The following DACH2 variants were observed in gnomAD, a reference collection of about 807,000 sequenced individuals.
DACH2 encodes dachshund homolog 2.
DACH2 carries 17 observed loss-of-function variants against 35.8 expected under a neutral mutation model. The ratio of observed to expected loss-of-function variants is 0.48; its 90% CI spans 0.33 to 0.71. The LOEUF is 0.71. Ranked by LOEUF, DACH2 falls within the 30% of genes least tolerant of loss-of-function variation. DACH2 has a pLI of 0.02. For synonymous variants in DACH2, 195 were observed against 177.3 expected, an observed-to-expected ratio of 1.10 and a Z score of -0.79; for missense variants, 469 against 472.7, an observed-to-expected ratio of 0.99 and a Z score of 0.07.
At position 86,672,470 on chromosome X, in the gene DACH2, C is replaced by T. The variant is rs1186091852; in HGVS notation, c.772+21303C>T. ...ATGATATTGTAGGCTGGACCCAGGA[C>T]CCCAATGCCCTGATCAACCTCAGGA... is the stretch of plus-strand genomic sequence containing the variant. On this transcript the variant is annotated intron_variant, in intron 4 of 11. Coordinates refer to ENST00000373125, the MANE Select transcript of DACH2 (RefSeq NM_053281.3). 5.4e-5 allele frequency among the ~76,000 whole-genome samples: 6 copies of T among 111,334 alleles called. No individual in the cohort carries two copies. In the East Asian group the frequency reaches 1.7e-3, roughly 32 times the overall value.
intron 1 of DACH2, among the ~76,000 whole-genome samples, chrX:86,229,640 T>C (rs2147931531): frequency 9.0e-6 from 1 of 111,583 alleles, no homozygotes; most frequent in South Asian, 3.8e-4. Context: ...CTATGATTTC[T>C]GGTAGCAGTG....
chrX:86,458,957 G>A (rs375451162), intron 2 of DACH2, among the ~76,000 whole-genome samples: 113 of 110,617 alleles, frequency 1.0e-3, no homozygotes, highest in African/African-American at 3.6e-3. Context: ...ACCAGGGCAC[G>A]TGTATACCCA....
chrX:86,288,744 T>C (rs753249764), intron 1 of DACH2, among the ~76,000 whole-genome samples: 22 of 111,320 alleles, frequency 2.0e-4, no homozygotes, highest in African/African-American at 5.5e-4. Context: ...ACTCAGCTTG[T>C]GTTGAATACT....
At chrX:86,507,016 G>A (rs539228602) in intron 2 of DACH2, among the ~76,000 whole-genome samples, 2 of 111,612 alleles carry the variant, frequency 1.8e-5, no homozygotes, top group African/African-American at 6.5e-5. Context: ...TTTAAGATTA[G>A]TTGCTAATAT....
chrX:86,381,937 C>A (rs1332916927), intron 2 of DACH2, among the ~76,000 whole-genome samples: 1 of 110,160 alleles, frequency 9.1e-6, no homozygotes, highest in Non-Finnish European at 1.9e-5. Flanking sequence ...AATAAAAAAA[C>A]AAAGAAAGCT....
chrX:86,324,198 C>T (rs1353335862), intron 1 of DACH2, among the ~76,000 whole-genome samples: 1 of 111,860 alleles, frequency 8.9e-6, no homozygotes, highest in Non-Finnish European at 1.9e-5. Flanking sequence ...CAAATAATTT[C>T]TTTCTATCTC....
chrX:86,178,082 T>C (rs1367828629), intron 1 of DACH2, among the ~76,000 whole-genome samples: 2 of 111,963 alleles, frequency 1.8e-5, no homozygotes, highest in Non-Finnish European at 3.8e-5. Context: ...GGAAGAATCA[T>C]TGGCAGGTTT....
intron 3 of DACH2, among the ~76,000 whole-genome samples, chrX:86,593,398 T>TTTTATTTTATTTTATTTTATTTTATTTTA (rs2039672393): frequency 1.9e-4 from 17 of 91,476 alleles, no homozygotes; most frequent in African/African-American, 8.1e-4. Context: ...TATATATATT[T>TTTTATTTTATTTTATTTTATTTTATTTTA]TTTTATTTTA....
chrX:86,600,510 A>G (rs115661309), intron 3 of DACH2, among the ~76,000 whole-genome samples: 6,123 of 111,980 alleles, frequency 0.055, 384 homozygotes, highest in African/African-American at 0.19. Context: ...TGCCGTGTGT[A>G]TTGTGCTTAC....
intron 3 of DACH2, among the ~76,000 whole-genome samples, chrX:86,573,503 A>G (rs983275092): frequency 1.8e-5 from 2 of 111,622 alleles, no homozygotes; most frequent in African/African-American, 6.5e-5. Context: ...TATTCCCTAG[A>G]AGCCATAGAG....
At chrX:86,312,103 T>C (rs2034813918) in intron 1 of DACH2, among the ~76,000 whole-genome samples, 1 of 112,080 alleles carries the variant, frequency 8.9e-6, no homozygotes, top group Non-Finnish European at 1.9e-5. Context: ...AAGGTAGTCA[T>C]CGTTACCAGC....
chrX:86,250,008 T>A (rs1602322723), intron 1 of DACH2, among the ~76,000 whole-genome samples: 1 of 110,342 alleles, frequency 9.1e-6, no homozygotes, highest in East Asian at 2.8e-4. Context: ...ATCAAATACA[T>A]ATGGACACAA....
intron 1 of DACH2, among the ~76,000 whole-genome samples, chrX:86,218,565 A>C (rs2032630383): frequency 8.9e-6 from 1 of 112,026 alleles, no homozygotes; most frequent in East Asian, 2.8e-4. Flanking sequence ...TCTGCATGTT[A>C]AAGTGTAATG....
intron 1 of DACH2, among the ~76,000 whole-genome samples, chrX:86,260,429 G>C (rs1240530506): frequency 1.8e-5 from 2 of 111,753 alleles, no homozygotes; most frequent in African/African-American, 6.5e-5. Context: ...AGGTCACTGA[G>C]CTGGGTTCTC....
At chrX:86,375,411 A>T (rs1307144158) in intron 1 of DACH2, among the ~76,000 whole-genome samples, 1 of 100,956 alleles carries the variant, frequency 9.9e-6, no homozygotes, top group African/African-American at 3.5e-5. Context: ...ACATATATAT[A>T]TGTATATATA....
intron 2 of DACH2, among the ~76,000 whole-genome samples, chrX:86,453,024 T>G (rs1488492390): frequency 8.9e-6 from 1 of 111,785 alleles, no homozygotes; most frequent in Non-Finnish European, 1.9e-5. Flanking sequence ...GCCTGTTTGT[T>G]CTCATTAGTT....
intron 3 of DACH2, among the ~76,000 whole-genome samples, chrX:86,562,321 T>A (rs1436961180): frequency 9.0e-6 from 1 of 111,328 alleles, no homozygotes; most frequent in African/African-American, 3.3e-5. Flanking sequence ...TCTGTGGCAA[T>A]GAGATTGTCT....
At chrX:86,601,749 G>T (rs917615677) in intron 3 of DACH2, among the ~76,000 whole-genome samples, 1 of 112,147 alleles carries the variant, frequency 8.9e-6, no homozygotes, top group Non-Finnish European at 1.9e-5. Context: ...AGAAACTGTG[G>T]TCTAGAGAGG....
intron 1 of DACH2, among the ~76,000 whole-genome samples, chrX:86,363,610 C>T (rs1257065204): frequency 1.8e-5 from 2 of 111,351 alleles, no homozygotes; most frequent in East Asian, 5.6e-4. Context: ...TACATGATTG[C>T]TTTCATCAGT....
Sources: gnomAD v4.1 joint callset for allele counts (sites outside exome capture counted in the v4.1 genomes callset) on GRCh38, gnomAD v4.1.1 for gene constraint, MANE v1.5 for transcripts, NCBI Gene and HGNC (gene_info 2026-07-23, HGNC 2026-07-21) for gene names.